The following CSMD1 variants were observed in gnomAD, a reference collection of about 807,000 sequenced individuals.
CSMD1 encodes CUB and Sushi multiple domains 1.
Under a neutral mutation model 417.5 loss-of-function variants are expected in CSMD1, and 213 were observed. The observed-to-expected ratio is 0.51, with a 90% CI of 0.46 to 0.57. The LOEUF is 0.57. Ranked by LOEUF, CSMD1 falls within the 20% of genes least tolerant of loss-of-function variation. The pLI is 0.00. For missense variants in CSMD1, 6,923 were observed against 4,529.7 expected (o/e 1.53, Z -15.17); for synonymous variants, 2,862 against 1,736.8 (o/e 1.65, Z -16.11).
rs374155326 is a variant in CSMD1, at chr8:4,878,172, T to C, written c.85+116160A>G. ...GAAAATTATTTTAGAATGAGCAGTT[T>C]GTTTTGGAGGTGGTTCTTAAAATCA... On this transcript the variant is annotated intron_variant, in intron 1 of 69. Transcript: ENST00000635120. Among the ~76,000 whole-genome samples, 110 of 152,224 alleles carry C rather than the reference T, an allele frequency of 7.2e-4. 1 individual carries two copies. Among genetic ancestry groups the C allele is most frequent in the African/African-American group, 2.6e-3 (107 of 41,486 alleles).
chr8:4,040,980 G>A (rs905174524), intron 3 of CSMD1, among the ~76,000 whole-genome samples: 4 of 148,318 alleles, frequency 2.7e-5, no homozygotes, highest in African/African-American at 1.0e-4. Context: ...GAATCCTCAC[G>A]TGGTCCTATA....
chr8:4,645,299 C>T (rs1364469992), intron 1 of CSMD1, among the ~76,000 whole-genome samples: 1 of 152,008 alleles, frequency 6.6e-6, no homozygotes, highest in Admixed American at 6.6e-5. Context: ...TCTGCTGTTG[C>T]CCCCAGGGGA....
chr8:4,717,556 A>ATCTG (rs1445625629), intron 1 of CSMD1, among the ~76,000 whole-genome samples: 13 of 132,116 alleles, frequency 9.8e-5, no homozygotes, highest in Non-Finnish European at 1.4e-4. Context: ...CTACCTATCT[A>ATCTG]TCTATCTATC....
chr8:4,071,825 G>C (rs141342883), intron 3 of CSMD1, among the ~76,000 whole-genome samples: 7 of 151,336 alleles, frequency 4.6e-5, no homozygotes, highest in African/African-American at 1.5e-4. Context: ...ACTTCCTGTT[G>C]TGGGGGGGTG....
At chr8:4,168,577 C>T (rs978381261) in intron 3 of CSMD1, among the ~76,000 whole-genome samples, 25 of 152,090 alleles carry the variant, frequency 1.6e-4, no homozygotes, top group African/African-American at 4.8e-4. Context: ...GGACAATAGA[C>T]GGGCTTTGCA....
intron 4 of CSMD1, among the ~76,000 whole-genome samples, chr8:4,008,295 T>C (rs1372800776): frequency 1.3e-5 from 2 of 152,094 alleles, no homozygotes; most frequent in African/African-American, 2.4e-5. Context: ...AAAACAAATA[T>C]AGTTATTCTG....
At position 4,565,749 on chromosome 8, in the gene CSMD1, CATATATATATATAT is replaced by C. The variant is rs58696547; in HGVS notation, c.302+71579_302+71592del. On this transcript the variant is annotated intron_variant, in intron 2 of 69. Transcript: ENST00000635120. ...CACTCCACCTTAAAAAAAATATATA[CATATATATATATAT>C]ATATATATATATATATATATATATA... is the stretch of plus-strand genomic sequence containing the variant. Among the ~76,000 whole-genome samples the C allele has an allele frequency of 5.8e-3, 691 of 118,382 alleles. 10 individuals are homozygous for C. Among genetic ancestry groups the C allele is most frequent in the South Asian group, 0.018 (63 of 3,600 alleles). 77.7% of individuals were successfully genotyped at this position (118,382 alleles called of 152,430 possible).
At chr8:4,410,019 G>A (rs982487650) in intron 3 of CSMD1, among the ~76,000 whole-genome samples, 1 of 152,048 alleles carries the variant, frequency 6.6e-6, no homozygotes, top group Non-Finnish European at 1.5e-5. Flanking sequence ...TCACCATGTT[G>A]GCCAAGATGG....
intron 54 of CSMD1, among the ~76,000 whole-genome samples, chr8:2,986,918 C>T (rs930991629): frequency 2.6e-5 from 4 of 151,858 alleles, no homozygotes; most frequent in Admixed American, 1.3e-4. Context: ...TAGCAAAAAC[C>T]GCAATTACTT....
At chr8:4,622,072 G>C (rs1181807973) in intron 2 of CSMD1, among the ~76,000 whole-genome samples, 1 of 151,518 alleles carries the variant, frequency 6.6e-6, no homozygotes, top group Non-Finnish European at 1.5e-5. Context: ...CAACATATTA[G>C]TGCAGTTCTA....
At chr8:3,349,055 C>T (rs1005262558) in intron 21 of CSMD1, among the ~76,000 whole-genome samples, 8 of 152,200 alleles carry the variant, frequency 5.3e-5, no homozygotes, top group African/African-American at 1.9e-4. Context: ...AACAATTTTA[C>T]AGACTATACT....
intron 7 of CSMD1, among the ~76,000 whole-genome samples, chr8:3,641,102 A>C (rs1220575418): frequency 2.0e-5 from 3 of 149,590 alleles, no homozygotes; most frequent in Non-Finnish European, 1.5e-5. Flanking sequence ...AAGCCTTAAG[A>C]AAGTTAGACT....
intron 10 of CSMD1, among the ~76,000 whole-genome samples, chr8:3,524,937 A>G (rs189819093): frequency 0.016 from 2,463 of 152,270 alleles, 48 homozygotes; most frequent in South Asian, 0.072. Context: ...ATGTAAAAAA[A>G]AAATGTTTCT....
rs539995357 is a variant in CSMD1, at chr8:3,785,656, G to C, written c.819-31614C>G. Among the ~76,000 whole-genome samples, 134 of 152,252 alleles carry C rather than the reference G, an allele frequency of 8.8e-4. 3 individuals are homozygous for C. The South Asian group carries it at 0.027, about 31-fold the overall frequency. On this transcript the variant is annotated intron_variant, in intron 5 of 69. Transcript: ENST00000635120. ...TCGAGTGTTTATTGAAGGAAGAGTT[G>C]GCATCGCCCTGAGGGTGAGTGTGGG... is the stretch of plus-strand genomic sequence containing the variant.
intron 5 of CSMD1, among the ~76,000 whole-genome samples, chr8:3,984,104 G>GAGCACACTGCAGATCTGATGGGGCTGT (rs1167648339): frequency 7.1e-6 from 1 of 141,770 alleles, no homozygotes; most frequent in South Asian, 2.3e-4. Flanking sequence ...GCTGTCAATA[G>GAGCACACTGCAGATCTGATGGGGCTGT]CAACTCTAGA....
intron 5 of CSMD1, among the ~76,000 whole-genome samples, chr8:3,837,419 G>A (rs1363774941): frequency 6.6e-6 from 1 of 152,092 alleles, no homozygotes; most frequent in African/African-American, 2.4e-5. Flanking sequence ...TCAAAGGACT[G>A]CCTACGTCAC....
intron 5 of CSMD1, among the ~76,000 whole-genome samples, chr8:3,971,352 T>C (rs1220750047): frequency 6.6e-6 from 1 of 152,206 alleles, no homozygotes; most frequent in Non-Finnish European, 1.5e-5. Flanking sequence ...GTTCTCTTTC[T>C]GTAATGTTCT....
At chr8:3,991,627 G>A (rs547158421) in intron 5 of CSMD1, among the ~76,000 whole-genome samples, 12 of 152,320 alleles carry the variant, frequency 7.9e-5, no homozygotes, top group African/African-American at 2.4e-4. Context: ...CTACAAATTA[G>A]AAGTGGAGGG....
chr8:3,706,077 A>G (rs1051767804), intron 7 of CSMD1, among the ~76,000 whole-genome samples: 5 of 152,246 alleles, frequency 3.3e-5, no homozygotes, highest in Admixed American at 1.3e-4. Flanking sequence ...ACGCGCTGGA[A>G]CGTGGCCTGG....
Sources: allele counts gnomAD v4.1 joint callset (sites outside exome capture counted in the v4.1 genomes callset), GRCh38; gene constraint gnomAD v4.1.1; transcripts MANE v1.5; gene names NCBI Gene and HGNC (gene_info 2026-07-23, HGNC 2026-07-21).